The following THOC3 variants were observed in gnomAD, a reference collection of about 807,000 sequenced individuals.
THOC3 encodes THO complex subunit 3, also known as TEX1 homolog.
In THOC3, 4 loss-of-function variants were observed where a neutral mutation model predicts 23.3. The ratio of observed to expected loss-of-function variants is 0.17; its 90% CI spans 0.08 to 0.39. The LOEUF is 0.39. THOC3 is among the 10% of genes least tolerant of loss of function. THOC3 has a pLI of 1.00. For synonymous variants in THOC3, 27 were observed against 141.5 expected (o/e 0.19, Z 5.74); for missense variants, 64 against 359.4 (o/e 0.18, Z 6.65).
In THOC3 at chr5:175,968,310, C is replaced by T; in HGVS notation, c.-102G>A. The T allele has an allele frequency of 6.5e-7, 1 of 1,530,844 alleles. No homozygotes were observed. The allele number at this position is 1,530,844 out of a possible 1,614,324, so 94.8% of individuals were successfully genotyped here. ...CGCATGCGCCCGGAAGAGCGACGGC[C>T]CCTCTGCGCAGGCGCGCTGTACCCC... On this transcript the variant is annotated 5_prime_UTR_variant, in exon 1 of 6. Coordinates refer to ENST00000265097, the MANE Select transcript of THOC3 (RefSeq NM_032361.4).
At chr5:175,967,596 G>A (rs144048607) in intron 1 of THOC3, 33,690 of 162,866 alleles carry the variant, frequency 0.21, 2,910 homozygotes, top group African/African-American at 0.26. Context: ...ACAGCCCCTA[G>A]CCACTTCTTA....
chr5:175,963,638 A>C (rs1581129734), intron 3 of THOC3, among the ~76,000 whole-genome samples: 1 of 149,020 alleles, frequency 6.7e-6, no homozygotes, highest in Admixed American at 6.7e-5. Flanking sequence ...TTTTATAATA[A>C]AAAGATTTTT....
intron 3 of THOC3, among the ~76,000 whole-genome samples, chr5:175,962,413 T>C (rs375465183): frequency 3.4e-5 from 1 of 29,456 alleles, no homozygotes; most frequent in African/African-American, 1.1e-4. Context: ...TTTAAATATA[T>C]ATATATATAC....
At chr5:175,962,011 A>G (rs1396757248) in intron 3 of THOC3, among the ~76,000 whole-genome samples, 1 of 149,554 alleles carries the variant, frequency 6.7e-6, no homozygotes, top group Non-Finnish European at 1.5e-5. Context: ...CACTGAATAT[A>G]CAGTTTCTTG....
intron 3 of THOC3, among the ~76,000 whole-genome samples, chr5:175,962,421 T>TACACACACACACACACACACACACACAC (rs59077860): frequency 2.3e-5 from 1 of 44,192 alleles, no homozygotes; most frequent in African/African-American, 7.5e-5. Flanking sequence ...TATATATATA[T>TACACACACACACACACACACACACACAC]ACACACACAC....
At chr5:175,967,679 T>C (rs1213272574) in intron 1 of THOC3, 6 of 445,366 alleles carry the variant, frequency 1.3e-5, no homozygotes, top group Non-Finnish European at 2.5e-5. Flanking sequence ...CTCCTCACCT[T>C]CACCCGCCAT....
intron 3 of THOC3, among the ~76,000 whole-genome samples, chr5:175,964,125 T>C (rs2113055009): frequency 1.3e-5 from 2 of 152,308 alleles, no homozygotes; most frequent in South Asian, 2.1e-4. Context: ...AAGATCCTAC[T>C]ACGTGGAGCA....
In THOC3 at chr5:175,959,762, G is replaced by A. The variant is rs145205625; in HGVS notation, c.*207C>T. ...TCACTACTCGCACTGCAGAGTCCAC[G>A]CGAGTTAACTCATGCTGGGGGCAAA... On this transcript the variant is annotated 3_prime_UTR_variant, in exon 6 of 6. Transcript: ENST00000265097. 5,281 of 151,120 alleles carry A rather than the reference G, an allele frequency of 0.035. 623 individuals carry two copies. The highest frequency in any genetic ancestry group is 0.043 in the Non-Finnish European group (3,091 of 71,714). The allele number at this position is 151,120 out of a possible 1,614,324, so 9.4% of individuals were successfully genotyped here.
At chr5:175,964,298 C>A (rs1435390832) in intron 3 of THOC3, among the ~76,000 whole-genome samples, 2 of 152,248 alleles carry the variant, frequency 1.3e-5, no homozygotes, top group African/African-American at 2.4e-5. Context: ...ACGCCTCTAA[C>A]CTACCTCTAA....
In THOC3 at chr5:175,961,926, T is replaced by C. The variant is rs1247872704; in HGVS notation, c.630-492A>G. ...CCAGGAATAATGTTCCCATGAACGC[T>C]TCCCGAGGAATCTTAACTAGAGAAT... is the stretch of plus-strand genomic sequence containing the variant. On this transcript the variant is annotated intron_variant, in intron 3 of 5. Transcript: ENST00000265097. Among the ~76,000 whole-genome samples, 7 of 151,648 alleles carry C rather than the reference T, an allele frequency of 4.6e-5. No individual in the cohort carries two copies. The East Asian group carries it at 1.4e-3, about 29-fold the overall frequency.
intron 3 of THOC3, among the ~76,000 whole-genome samples, chr5:175,964,450 A>C (rs1756727499): frequency 6.6e-6 from 1 of 152,226 alleles, no homozygotes; most frequent in Non-Finnish European, 1.5e-5. Flanking sequence ...GAAACCCTAA[A>C]CTACAAAAAA....
intron 2 of THOC3, among the ~76,000 whole-genome samples, chr5:175,965,779 A>G (rs1326538871): frequency 7.9e-5 from 12 of 152,210 alleles, no homozygotes; most frequent in Non-Finnish European, 1.6e-4. Context: ...CTCTTACACC[A>G]GCATTTCTCA....
rs559792264 is a variant in THOC3 at position 175,959,610 on chromosome 5, C to G, written c.*359G>C. The G allele has an allele frequency of 7.2e-6, 1 of 138,418 alleles. No homozygotes were observed. Among genetic ancestry groups the G allele is most frequent in the African/African-American group, 2.8e-5 (1 of 35,808 alleles). The allele number at this position is 138,418 out of a possible 1,614,324, so 8.6% of individuals were successfully genotyped here. On this transcript the variant is annotated 3_prime_UTR_variant, in exon 6 of 6. Transcript: ENST00000265097. ...ATATATTTTTAATTATTTAAAAAAA[C>G]TTCCATGCCCTTCCATTCCCCTCCC...
intron 2 of THOC3, among the ~76,000 whole-genome samples, chr5:175,966,019 C>T (rs1474214167): frequency 1.3e-5 from 2 of 151,750 alleles, no homozygotes; most frequent in Admixed American, 6.6e-5. Flanking sequence ...TGGCAAAACC[C>T]GTCTCTACAA....
At chr5:175,965,586 G>A (rs1413517203) in intron 2 of THOC3, among the ~76,000 whole-genome samples, 1 of 152,202 alleles carries the variant, frequency 6.6e-6, no homozygotes, top group Non-Finnish European at 1.5e-5. Flanking sequence ...CACCACACCA[G>A]GCTAATTTTT....
intron 2 of THOC3, 30 bp from the exon 3 acceptor site, chr5:175,965,185 A>G: frequency 6.2e-7 from 1 of 1,612,006 alleles, no homozygotes. Context: ...CAGCAAGATA[A>G]TCTGTTTGCT....
intron 3 of THOC3, among the ~76,000 whole-genome samples, chr5:175,964,284 A>C (rs2113055295): frequency 6.6e-6 from 1 of 152,342 alleles, no homozygotes; most frequent in East Asian, 1.9e-4. Flanking sequence ...AAAGTATATA[A>C]AATACGCCTC....
intron 2 of THOC3, among the ~76,000 whole-genome samples, chr5:175,965,594 T>G (rs1429319241): frequency 1.3e-5 from 2 of 152,202 alleles, no homozygotes; most frequent in Admixed American, 1.3e-4. Flanking sequence ...CAGGCTAATT[T>G]TTTTGTATTT....
chr5:175,964,275 A>G (rs1395916794), intron 3 of THOC3, among the ~76,000 whole-genome samples: 1 of 152,226 alleles, frequency 6.6e-6, no homozygotes, highest in Non-Finnish European at 1.5e-5. Flanking sequence ...TTCCTACAGA[A>G]AGTATATAAA....
Sources: gnomAD v4.1 joint callset for allele counts (sites outside exome capture counted in the v4.1 genomes callset) on GRCh38, gnomAD v4.1.1 for gene constraint, MANE v1.5 for transcripts, NCBI Gene and HGNC (gene_info 2026-07-23, HGNC 2026-07-21) for gene names.